Variants in ESRP1 observed in about 807,000 individuals in gnomAD.
The protein encoded by ESRP1 is RNA-binding motif protein 35A.
ESRP1 carries 33 observed loss-of-function variants against 81.7 expected under a neutral mutation model. The observed-to-expected ratio is 0.40, with a 90% CI of 0.31 to 0.54. ESRP1 has a LOEUF of 0.54. Among genes scored for constraint, ESRP1 ranks in the 20% least tolerant of loss-of-function variants. The pLI, the probability that ESRP1 is intolerant of heterozygous loss-of-function variation, is 0.41. For synonymous variants in ESRP1, 320 were observed against 303.3 expected (o/e 1.06, Z -0.57); for missense variants, 672 against 833.1 (o/e 0.81, Z 2.38).
At chr8:94,672,300 G>A (rs1412827333) in intron 11 of ESRP1, among the ~76,000 whole-genome samples, 1 of 152,132 alleles carries the variant, frequency 6.6e-6, no homozygotes, top group Non-Finnish European at 1.5e-5. Context: ...AACAGTATGT[G>A]TGGATCATAA....
intron 15 of ESRP1, among the ~76,000 whole-genome samples, chr8:94,700,937 ATGTGTGTGTGTGTGTATGTGTG>A (rs1809802026): frequency 1.6e-5 from 2 of 125,738 alleles, no homozygotes; most frequent in South Asian, 2.5e-4. Context: ...TCAAAAAAAA[ATGTGTGTGTGTGTGTATGTGTG>A]TGTGTGTGTG....
At chr8:94,658,627 G>A (rs1199763852) in intron 4 of ESRP1, among the ~76,000 whole-genome samples, 1 of 152,114 alleles carries the variant, frequency 6.6e-6, no homozygotes, top group Admixed American at 6.5e-5. Flanking sequence ...TGAGAGGAAA[G>A]CTTAATTTGA....
rs145845134 is a variant in ESRP1 at position 94,679,862 on chromosome 8, T to C, written c.1820+1491T>C. Among the ~76,000 whole-genome samples the C allele has an allele frequency of 8.5e-3, 1,295 of 152,186 alleles. 25 individuals are homozygous for C. Among genetic ancestry groups the C allele is most frequent in the African/African-American group, 0.029 (1,218 of 41,516 alleles). On this transcript the variant is annotated intron_variant, in intron 13 of 15. Coordinates refer to ENST00000433389, the MANE Select transcript of ESRP1 (RefSeq NM_017697.4). ...GTACTGTCTAATCGTTCCTTCTTTC[T>C]TTTTTTTAAAACTTGAAAATGTGTC...
rs530201891 is a variant in ESRP1, at chr8:94,647,207, A to G, written c.490+925A>G. 2.0e-5 allele frequency among the ~76,000 whole-genome samples: 3 copies of G among 152,224 alleles called. No homozygotes were observed. The South Asian group carries it at 6.2e-4, about 32-fold the overall frequency. ...TTGTAAACAGGTCAAATCCGTTTTC[A>G]TTTGCCTTCTTCTTGGAGTCAGTTA... On this transcript the variant is annotated intron_variant, in intron 4 of 15. Coordinates refer to ENST00000433389, the MANE Select transcript of ESRP1 (RefSeq NM_017697.4).
At chr8:94,697,703 G>A (rs1411109899) in intron 15 of ESRP1, among the ~76,000 whole-genome samples, 3 of 152,336 alleles carry the variant, frequency 2.0e-5, no homozygotes, top group South Asian at 2.1e-4. Context: ...TCTTTGGTGT[G>A]TACCCAGGAG....
chr8:94,644,656 T>C (rs746508408), intron 3 of ESRP1, among the ~76,000 whole-genome samples: 37 of 152,258 alleles, frequency 2.4e-4, no homozygotes, highest in Non-Finnish European at 3.2e-4. Flanking sequence ...CAGAGGAAAA[T>C]AGCTGTTTTC....
intron 14 of ESRP1, among the ~76,000 whole-genome samples, chr8:94,694,225 A>G (rs1039765760): frequency 1.3e-5 from 2 of 152,208 alleles, no homozygotes; most frequent in Non-Finnish European, 2.9e-5. Flanking sequence ...CATTTGTTTG[A>G]CTAACAAACT....
chr8:94,696,746 A>G, intron 14 of ESRP1, 106 bp from the exon 15 acceptor site: 4 of 815,810 alleles, frequency 4.9e-6, no homozygotes, highest in East Asian at 2.7e-5. Flanking sequence ...GTTTCCTCCT[A>G]TCTAAATGTC....
intron 13 of ESRP1, among the ~76,000 whole-genome samples, chr8:94,687,419 A>G (rs1023687449): frequency 9.2e-5 from 14 of 152,216 alleles, no homozygotes; most frequent in African/African-American, 2.7e-4. Context: ...CTGTGTGGAC[A>G]TAGGTTCTCA....
At chr8:94,667,834 G>A (rs775299830) in intron 9 of ESRP1, 115 bp from the exon 10 acceptor site, 9 of 829,060 alleles carry the variant, frequency 1.1e-5, no homozygotes, top group Non-Finnish European at 1.7e-5. Context: ...TTCAGTAGGA[G>A]TATGGGTCTT....
At chr8:94,682,891 TATATTCATTATTTTATATATATA>T (rs1808954487) in intron 13 of ESRP1, among the ~76,000 whole-genome samples, 1 of 131,102 alleles carries the variant, frequency 7.6e-6, no homozygotes, top group Admixed American at 8.0e-5. Flanking sequence ...CATTATTCAA[TATATTCATTATTTTATATATATA>T]TATATATATA....
At chr8:94,650,222 A>T (rs1304949392) in intron 4 of ESRP1, among the ~76,000 whole-genome samples, 1 of 151,886 alleles carries the variant, frequency 6.6e-6, no homozygotes, top group Non-Finnish European at 1.5e-5. Context: ...ATCAAAATAC[A>T]TTGTAGCAAT....
intron 13 of ESRP1, among the ~76,000 whole-genome samples, chr8:94,684,483 T>C (rs1809057574): frequency 6.6e-6 from 1 of 152,188 alleles, no homozygotes; most frequent in Non-Finnish European, 1.5e-5. Flanking sequence ...ACATGAAAAC[T>C]GACTTTAGGT....
rs1158732837 is a variant in ESRP1 at position 94,643,363 on chromosome 8, A to G, written c.322A>G (p.Thr108Ala). The change falls in exon 3 of 16, where the codon ACT (threonine) becomes GCT (alanine). Residue 108 changes from threonine to alanine, a missense_variant. Coordinates refer to ENST00000433389, the MANE Select transcript of ESRP1 (RefSeq NM_017697.4). Reference protein sequence around the residue: ...IGVGTSFCLCTDGQLHVRQIL... With the variant: ...IGVGTSFCLCADGQLHVRQIL... ...AGTAGGGACTTCCTTCTGTCTCTGT[A>G]CTGATGGGCAGCTTCATGTCAGGCA... 1.2e-6 allele frequency: 2 copies of G among 1,613,820 alleles called. No individual in the cohort carries two copies. The highest frequency in any genetic ancestry group is 1.1e-5 in the South Asian group (1 of 91,078).
At chr8:94,698,719 A>G (rs1399251148) in intron 15 of ESRP1, among the ~76,000 whole-genome samples, 1 of 152,222 alleles carries the variant, frequency 6.6e-6, no homozygotes, top group African/African-American at 2.4e-5. Context: ...TTCCAATTCT[A>G]TTAACATTTT....
intron 1 of ESRP1, chr8:94,641,692 T>C (rs1817599258): frequency 2.8e-6 from 2 of 713,132 alleles, no homozygotes; most frequent in South Asian, 4.3e-5. Flanking sequence ...AGCCGGGTTC[T>C]TTGCCCGTCG....
intron 14 of ESRP1, 30 bp from the exon 15 acceptor site, chr8:94,696,822 T>C: frequency 2.0e-6 from 3 of 1,500,800 alleles, no homozygotes; most frequent in Non-Finnish European, 2.7e-6. Flanking sequence ...GTCCGTCTTT[T>C]GATCTTGTTT....
intron 14 of ESRP1, among the ~76,000 whole-genome samples, chr8:94,695,115 A>G (rs1199660889): frequency 1.3e-5 from 2 of 152,102 alleles, no homozygotes; most frequent in Admixed American, 6.6e-5. Context: ...ATGGGGTTCC[A>G]TCTTCTTTAG....
chr8:94,650,763 A>C (rs892286215), intron 4 of ESRP1, among the ~76,000 whole-genome samples: 2 of 151,458 alleles, frequency 1.3e-5, no homozygotes, highest in Admixed American at 1.3e-4. Context: ...CCCAGGCTGG[A>C]GTGCAGGGGC....
Sources: gnomAD v4.1 joint callset for allele counts (sites outside exome capture counted in the v4.1 genomes callset) on GRCh38, gnomAD v4.1.1 for gene constraint, MANE v1.5 for transcripts, NCBI Gene and HGNC (gene_info 2026-07-23, HGNC 2026-07-21) for gene names.